The following CARMIL1 variants were observed in gnomAD, a reference collection of about 807,000 sequenced individuals.
CARMIL1 encodes F-actin-uncapping protein LRRC16A.
CARMIL1 carries 90 observed loss-of-function variants against 177.1 expected under a neutral mutation model. The ratio of observed to expected loss-of-function variants is 0.51; its 90% CI spans 0.43 to 0.61. The LOEUF is 0.61. Ranked by LOEUF, CARMIL1 falls within the 20% of genes least tolerant of loss-of-function variation. The pLI is 0.00. For synonymous variants in CARMIL1, 577 were observed against 606.2 expected, an observed-to-expected ratio of 0.95 and a Z score of 0.71; for missense variants, 1,380 against 1,667.0, an observed-to-expected ratio of 0.83 and a Z score of 3.00.
intron 2 of CARMIL1, among the ~76,000 whole-genome samples, chr6:25,315,502 C>T (rs1784206045): frequency 2.6e-5 from 4 of 152,222 alleles, no homozygotes; most frequent in Admixed American, 2.6e-4. Flanking sequence ...GGGGCCCGAG[C>T]AGGGCACTGG....
rs538844591 is a variant in CARMIL1, at chr6:25,509,389, G to A, written c.1396-267G>A. Among the ~76,000 whole-genome samples, 3 of 152,232 alleles carry A rather than the reference G, an allele frequency of 2.0e-5. No individual in the cohort carries two copies. The highest frequency in any genetic ancestry group is 2.1e-4 in the South Asian group (1 of 4,806). ...TGCACTGCTTTGCTACTATAGTGGC[G>A]TGGGTGGTGGTCATCTTGTTTCTCT... On this transcript the variant is annotated intron_variant, in intron 17 of 36. Coordinates refer to ENST00000329474, the MANE Select transcript of CARMIL1 (RefSeq NM_017640.6). The surrounding 1 kb of genome is among the most constrained non-coding windows in gnomAD (Gnocchi z 4.1).
At position 25,515,680 on chromosome 6, in the gene CARMIL1, G is replaced by A; in HGVS notation, c.1638G>A (p.Leu546=). The A allele has an allele frequency of 6.2e-7, 1 of 1,601,520 alleles. No individual in the cohort carries two copies. The highest frequency in any genetic ancestry group is 8.5e-7 in the Non-Finnish European group (1 of 1,174,224). Residue 546 remains leucine, a synonymous_variant, in exon 21 of 37, where the codon CTG becomes CTA. Transcript: ENST00000329474. This position sits in a 1 kb window ranked among gnomAD's most constrained non-coding sequence, Gnocchi z 5.0. ...VQMIQDEESP[L]QSLSLADSKL... Reference sequence around the variant, plus strand: ...GTGTGTCATTTGCTCCGCAGCCTCTGCAGTCCTTGTCCCTGGCTGACTCGA... The same window carrying A: ...GTGTGTCATTTGCTCCGCAGCCTCTACAGTCCTTGTCCCTGGCTGACTCGA...
chr6:25,491,788 T>C lies in CARMIL1; in HGVS notation c.1122T>C (p.Asn374=). 2.5e-6 allele frequency: 4 copies of C among 1,600,384 alleles called. No individual in the cohort carries two copies. Among genetic ancestry groups the C allele is most frequent in the Non-Finnish European group, 2.6e-6 (3 of 1,172,704 alleles). The change falls in exon 14 of 37, where the codon AAT becomes AAC. Residue 374 remains asparagine, a synonymous_variant. Transcript: ENST00000329474. The stretch of plus-strand genomic sequence containing the variant: ...CCATTGTTCATCTGGATTTATCCAA[T>C]ACAGAATGTTCCCTGGACATGGTAA... ...PNAIVHLDLS[N]TECSLDMVCG...
At chr6:25,381,874 G>A (rs950197003) in intron 2 of CARMIL1, among the ~76,000 whole-genome samples, 1 of 152,038 alleles carries the variant, frequency 6.6e-6, no homozygotes, top group African/African-American at 2.4e-5. Flanking sequence ...AATGGGGCAG[G>A]GGCTGAAAGT....
intron 5 of CARMIL1, among the ~76,000 whole-genome samples, chr6:25,445,436 T>C (rs1798135413): frequency 6.6e-6 from 1 of 152,188 alleles, no homozygotes. Flanking sequence ...ATGGCATCTA[T>C]GATGGTGATT....
chr6:25,510,743 T>C lies in CARMIL1; in HGVS notation c.1613T>C (p.Met538Thr). The C allele has an allele frequency of 6.5e-7, 1 of 1,543,092 alleles. No individual in the cohort carries two copies. Among genetic ancestry groups the C allele is most frequent in the Non-Finnish European group, 8.8e-7 (1 of 1,139,124 alleles). The change falls in exon 20 of 37, where the codon ATG becomes ACG. Residue 538 changes from methionine to threonine, a missense_variant. Met to Thr is a moderately conservative substitution (Grantham distance 81). Transcript: ENST00000329474. Reference protein sequence around the residue: ...LTPVLDNLVQMIQDEESPLQS... With the variant: ...LTPVLDNLVQTIQDEESPLQS... ...CCTGTATTGGACAACTTAGTACAGA[T>C]GATTCAAGATGAAGAATCAGTGAGT...
intron 5 of CARMIL1, among the ~76,000 whole-genome samples, chr6:25,442,455 AGTGTGTGTGTGTATGTGT>A (rs1213778689): frequency 1.5e-3 from 214 of 143,930 alleles, no homozygotes; most frequent in African/African-American, 4.8e-3. Context: ...TCTATTTAAC[AGTGTGTGTGTGTATGTGT>A]GTGTGTGTGT....
At chr6:25,333,843 A>G (rs1785940798) in intron 2 of CARMIL1, among the ~76,000 whole-genome samples, 1 of 152,234 alleles carries the variant, frequency 6.6e-6, no homozygotes, top group Non-Finnish European at 1.5e-5. Flanking sequence ...TAGCTTGTTA[A>G]GGAGACAAAA....
intron 15 of CARMIL1, among the ~76,000 whole-genome samples, chr6:25,494,581 T>G (rs559633075): frequency 2.6e-5 from 4 of 152,344 alleles, no homozygotes; most frequent in African/African-American, 9.6e-5. Flanking sequence ...CTGAAATGAT[T>G]AGGTTTTTGG....
chr6:25,362,597 C>G (rs536724752), intron 2 of CARMIL1, among the ~76,000 whole-genome samples: 1 of 151,982 alleles, frequency 6.6e-6, no homozygotes, highest in African/African-American at 2.4e-5. Context: ...TCACTTGAAC[C>G]CAGGAGGTGG....
chr6:25,284,771 C>T, intron 1 of CARMIL1, 41 bp from the exon 2 acceptor site: 1 of 1,186,052 alleles, frequency 8.4e-7, no homozygotes, highest in Non-Finnish European at 1.2e-6. Flanking sequence ...CTCCTCAGTG[C>T]TTTTTTTCTT....
intron 8 of CARMIL1, among the ~76,000 whole-genome samples, chr6:25,459,274 T>TTCTTTC (rs1302680954): frequency 3.2e-4 from 10 of 30,928 alleles, no homozygotes; most frequent in Admixed American, 1.2e-3. Context: ...TTCTTTTTTT[T>TTCTTTC]TTTTTTAAGA....
At chr6:25,369,656 C>T (rs1210716534) in intron 2 of CARMIL1, among the ~76,000 whole-genome samples, 1 of 152,110 alleles carries the variant, frequency 6.6e-6, no homozygotes, top group African/African-American at 2.4e-5. Flanking sequence ...TTCACAGTAG[C>T]CTCTTTCACC....
intron 12 of CARMIL1, among the ~76,000 whole-genome samples, chr6:25,485,793 A>T (rs1057514746): frequency 6.6e-6 from 1 of 152,078 alleles, no homozygotes; most frequent in African/African-American, 2.4e-5. Flanking sequence ...TTATTTATTT[A>T]TTTTTTTAAA....
At chr6:25,324,988 T>G (rs1247725765) in intron 2 of CARMIL1, among the ~76,000 whole-genome samples, 8 of 152,006 alleles carry the variant, frequency 5.3e-5, no homozygotes, top group African/African-American at 1.7e-4. Flanking sequence ...GCAGAGCCTC[T>G]TAGGTCCTGA....
chr6:25,557,221 C>CGTAA (rs531329726), intron 29 of CARMIL1, among the ~76,000 whole-genome samples: 1 of 152,110 alleles, frequency 6.6e-6, no homozygotes, highest in Non-Finnish European at 1.5e-5. Flanking sequence ...CTTGGTCTTA[C>CGTAA]CTGTTTTCTT....
At chr6:25,535,106 A>T (rs1808155741) in intron 24 of CARMIL1, among the ~76,000 whole-genome samples, 1 of 152,160 alleles carries the variant, frequency 6.6e-6, no homozygotes, top group Non-Finnish European at 1.5e-5. Flanking sequence ...TACCGTATTA[A>T]TGAAGGTATA....
intron 5 of CARMIL1, among the ~76,000 whole-genome samples, chr6:25,447,627 T>G (rs1798364132): frequency 1.3e-5 from 2 of 152,068 alleles, no homozygotes; most frequent in Non-Finnish European, 2.9e-5. Flanking sequence ...TCACAGCTCA[T>G]GACCTCTTCA....
At chr6:25,494,782 G>C (rs1330222157) in intron 15 of CARMIL1, among the ~76,000 whole-genome samples, 2 of 152,164 alleles carry the variant, frequency 1.3e-5, no homozygotes, top group Non-Finnish European at 2.9e-5. Context: ...CTTTAAATTG[G>C]TGAGAAATAT....
Sources: allele counts gnomAD v4.1 joint callset (sites outside exome capture counted in the v4.1 genomes callset), GRCh38; gene constraint gnomAD v4.1.1; non-coding constraint Gnocchi (gnomAD v3.1); transcripts MANE v1.5; gene names NCBI Gene and HGNC (gene_info 2026-07-23, HGNC 2026-07-21).